Variants in RPS6KA2 observed in about 807,000 individuals in gnomAD.
RPS6KA2 encodes ribosomal protein S6 kinase A2, also known as ribosomal protein S6 kinase alpha-2.
In RPS6KA2, 42 loss-of-function variants were observed where a neutral mutation model predicts 91.8. The observed-to-expected ratio is 0.46, with a 90% confidence interval of 0.36 to 0.59. RPS6KA2 has a LOEUF of 0.59. Among genes scored for constraint, RPS6KA2 ranks in the 20% least tolerant of loss-of-function variants. The probability of loss-of-function intolerance (pLI) is 0.00; values close to 1 mark genes in which losing one functional copy is unlikely to be tolerated. For missense variants in RPS6KA2, 798 were observed against 978.5 expected, an observed-to-expected ratio of 0.82 and a Z score of 2.46; for synonymous variants, 414 against 393.6, an observed-to-expected ratio of 1.05 and a Z score of -0.61.
At chr6:166,547,076 G>A (rs1002088308) in intron 1 of RPS6KA2, among the ~76,000 whole-genome samples, 10 of 152,164 alleles carry the variant, frequency 6.6e-5, no homozygotes, top group Non-Finnish European at 8.8e-5. Context: ...AGCCCTGCAA[G>A]TAGACAAAAT....
At chr6:166,792,408 C>T (rs929361616) in intron 2 of RPS6KA2, among the ~76,000 whole-genome samples, 6 of 151,966 alleles carry the variant, frequency 3.9e-5, no homozygotes, top group South Asian at 2.1e-4. Flanking sequence ...GATTCACAGC[C>T]GAATTCTACC....
intron 2 of RPS6KA2, among the ~76,000 whole-genome samples, chr6:166,679,196 A>G (rs1183166448): frequency 1.3e-5 from 2 of 152,206 alleles, no homozygotes; most frequent in South Asian, 4.2e-4. Context: ...GCTCATGCCT[A>G]TAATCCCAGC....
At chr6:166,734,003 C>T (rs968234893) in intron 2 of RPS6KA2, among the ~76,000 whole-genome samples, 1 of 152,126 alleles carries the variant, frequency 6.6e-6, no homozygotes, top group Middle Eastern at 3.2e-3. Flanking sequence ...AAGGTGCATG[C>T]AAGCGAAGGG....
intron 1 of RPS6KA2, among the ~76,000 whole-genome samples, chr6:166,569,350 C>A (rs1014726140): frequency 2.0e-5 from 3 of 152,246 alleles, no homozygotes; most frequent in African/African-American, 7.2e-5. Context: ...TAGCGCTGTT[C>A]CTGCCCTGGC....
At chr6:166,461,022 G>A (rs1780265694) in intron 11 of RPS6KA2, among the ~76,000 whole-genome samples, 1 of 152,112 alleles carries the variant, frequency 6.6e-6, no homozygotes, top group Non-Finnish European at 1.5e-5. Context: ...CAGAGCCCAG[G>A]CCAGAAACCA....
chr6:166,682,416 G>A (rs1368135468), intron 2 of RPS6KA2, among the ~76,000 whole-genome samples: 10 of 152,034 alleles, frequency 6.6e-5, no homozygotes, highest in Admixed American at 4.6e-4. Flanking sequence ...CTACTTCATC[G>A]GAGCCTAGAA....
chr6:166,553,108 A>C (rs1784068522), intron 1 of RPS6KA2, among the ~76,000 whole-genome samples: 2 of 152,080 alleles, frequency 1.3e-5, no homozygotes, highest in Admixed American at 1.3e-4. Context: ...TTAGCCACTT[A>C]CTCATTTTTG....
chr6:166,834,031 T>G (rs1039365807), intron 2 of RPS6KA2, among the ~76,000 whole-genome samples: 4 of 152,110 alleles, frequency 2.6e-5, no homozygotes, highest in Non-Finnish European at 4.4e-5. Flanking sequence ...ACCATGCCTG[T>G]CCCCTTTTGC....
rs559811507 is a variant in RPS6KA2, at chr6:166,508,340, G to A, written c.380-58C>T. On this transcript the variant is annotated intron_variant, in intron 4 of 20. Coordinates refer to ENST00000265678, the MANE Select transcript of RPS6KA2 (RefSeq NM_021135.6). This position sits in a 1 kb window ranked among gnomAD's most constrained non-coding sequence, Gnocchi z 4.3. ...TTGTCGAATGTCCTGTGGCAACATC[G>A]CTCTCTGGCTTCTCCCTGCTCACGG... 7.9e-5 allele frequency: 88 copies of A among 1,116,360 alleles called. 1 individual carries two copies. The Admixed American group carries it at 1.3e-3, about 16-fold the overall frequency. 69.2% of individuals were successfully genotyped at this position (1,116,360 alleles called of 1,614,324 possible).
At chr6:166,689,762 C>A (rs1382100691) in intron 2 of RPS6KA2, among the ~76,000 whole-genome samples, 1 of 152,254 alleles carries the variant, frequency 6.6e-6, no homozygotes, top group African/African-American at 2.4e-5. Flanking sequence ...AACCATCCAA[C>A]TGTAGCTGAG....
At chr6:166,469,029 A>G (rs902882691) in intron 11 of RPS6KA2, among the ~76,000 whole-genome samples, 2 of 152,256 alleles carry the variant, frequency 1.3e-5, no homozygotes, top group Admixed American at 6.5e-5. Flanking sequence ...CCTAAAGGAA[A>G]GAGCTGAAAG....
chr6:166,511,000 C>T (rs1222471892), intron 3 of RPS6KA2, among the ~76,000 whole-genome samples: 1 of 152,020 alleles, frequency 6.6e-6, no homozygotes, highest in African/African-American at 2.4e-5. Flanking sequence ...CTTTCTAAAA[C>T]TCTTGTATTT....
In RPS6KA2 at chr6:166,798,261, C is replaced by G. The variant is rs114559949; in HGVS notation, c.123+59939G>C. Among the ~76,000 whole-genome samples the G allele has an allele frequency of 9.3e-3, 1,420 of 152,344 alleles. 20 individuals are homozygous for G. The highest frequency in any genetic ancestry group is 0.033 in the African/African-American group (1,351 of 41,568). On this transcript the variant is annotated intron_variant, in intron 2 of 21. Coordinates refer to the RPS6KA2 transcript ENST00000503859. ...CCTGCAAGTCCTTGCTGTGTCCATT[C>G]TGTTCTCACTGAATGCAGAAGGTGC... is the stretch of plus-strand genomic sequence containing the variant.
intron 2 of RPS6KA2, among the ~76,000 whole-genome samples, chr6:166,714,351 C>T (rs1444771665): frequency 6.6e-6 from 1 of 152,192 alleles, no homozygotes; most frequent in African/African-American, 2.4e-5. Context: ...TGGGAAGAGA[C>T]AGCTGTGAGA....
rs1335210759 is a variant in RPS6KA2 at position 166,437,676 on chromosome 6, A to G, written c.1333-5186T>C. ...AGTCTAGGGGTCTGAATATCCACGA[A>G]GCAATTCTGGGTTCAACATGGATGG... On this transcript the variant is annotated intron_variant, in intron 14 of 20. Coordinates refer to ENST00000265678, the MANE Select transcript of RPS6KA2 (RefSeq NM_021135.6). This position sits in a 1 kb window ranked among gnomAD's most constrained non-coding sequence, Gnocchi z 4.3. 1.3e-5 allele frequency among the ~76,000 whole-genome samples: 2 copies of G among 152,170 alleles called. No individual in the cohort carries two copies. Among genetic ancestry groups the G allele is most frequent in the East Asian group, 3.9e-4 (2 of 5,180 alleles).
intron 1 of RPS6KA2, among the ~76,000 whole-genome samples, chr6:166,607,397 C>G (rs1269141484): frequency 6.7e-6 from 1 of 149,374 alleles, no homozygotes; most frequent in Non-Finnish European, 1.5e-5. Context: ...TGTCTATCAA[C>G]TTACTAATGG....
chr6:166,643,032 T>C (rs1172356756), intron 2 of RPS6KA2, among the ~76,000 whole-genome samples: 1 of 152,228 alleles, frequency 6.6e-6, no homozygotes, highest in Non-Finnish European at 1.5e-5. Flanking sequence ...AGAATGCATC[T>C]AGGCCCCCAT....
chr6:166,522,576 C>T (rs961129282), intron 3 of RPS6KA2, among the ~76,000 whole-genome samples: 3 of 152,220 alleles, frequency 2.0e-5, no homozygotes, highest in African/African-American at 7.2e-5. Context: ...CTGGAGAGTG[C>T]GGGCTGTGCT....
chr6:166,539,320 T>TA (rs1783582005), intron 1 of RPS6KA2, among the ~76,000 whole-genome samples: 1 of 152,236 alleles, frequency 6.6e-6, no homozygotes, highest in Non-Finnish European at 1.5e-5. Flanking sequence ...CATTTGGTCT[T>TA]ACCAAGGCCT....
Sources: allele counts gnomAD v4.1 joint callset (sites outside exome capture counted in the v4.1 genomes callset), GRCh38; gene constraint gnomAD v4.1.1; non-coding constraint Gnocchi (gnomAD v3.1); transcripts MANE v1.5; gene names NCBI Gene and HGNC (gene_info 2026-07-23, HGNC 2026-07-21).